The following TMEM167A variants were observed in gnomAD, a reference collection of about 807,000 sequenced individuals.
TMEM167A encodes the protein protein kish-A.
A neutral mutation model predicts 11.6 loss-of-function variants in TMEM167A; 8 were observed. The ratio of observed to expected loss-of-function variants is 0.69; its 90% CI spans 0.40 to 1.24. The LOEUF is 1.24. Ranked by LOEUF, TMEM167A falls within the 50% of genes most tolerant of loss-of-function variation. The pLI, the probability that TMEM167A is intolerant of heterozygous loss-of-function variation, is 0.01. For synonymous variants in TMEM167A, 22 were observed against 28.0 expected (o/e 0.79, Z 0.67); for missense variants, 62 against 87.0 (o/e 0.71, Z 1.14).
intron 1 of TMEM167A, among the ~76,000 whole-genome samples, chr5:83,069,268 C>T (rs914898998): frequency 2.6e-5 from 4 of 152,086 alleles, no homozygotes; most frequent in African/African-American, 7.2e-5. Flanking sequence ...CCCCTTAATG[C>T]TTAGCATCTG....
Position 83,061,854 on chromosome 5 carries a change from G to A in TMEM167A, c.148+23C>T, listed in dbSNP as rs752213662. The A allele has an allele frequency of 2.5e-6, 4 of 1,599,440 alleles. No homozygotes were observed. The Admixed American group carries it at 5.0e-5, about 20-fold the overall frequency. ...GTCAACAATTTACAGCTGAAGAAAT[G>A]GAGGGAGATTATAGACACTTACCAA... On this transcript the variant is annotated intron_variant, in intron 3 of 3. Transcript: ENST00000502346.
chr5:83,064,689 A>C (rs1005331917), intron 2 of TMEM167A, among the ~76,000 whole-genome samples: 3 of 152,128 alleles, frequency 2.0e-5, no homozygotes, highest in Non-Finnish European at 4.4e-5. Context: ...AATGAAGAGA[A>C]GACAGTGTCT....
intron 1 of TMEM167A, among the ~76,000 whole-genome samples, chr5:83,067,896 G>C (rs1015000030): frequency 6.6e-6 from 1 of 152,048 alleles, no homozygotes; most frequent in African/African-American, 2.4e-5. Context: ...AAAATGATTT[G>C]TAATTACCAG....
intron 1 of TMEM167A, among the ~76,000 whole-genome samples, chr5:83,076,843 G>A (rs555108301): frequency 3.9e-5 from 6 of 152,306 alleles, no homozygotes; most frequent in African/African-American, 9.6e-5. Flanking sequence ...AAAGTTAAGA[G>A]AAGAAGGTGG....
intron 2 of TMEM167A, among the ~76,000 whole-genome samples, chr5:83,063,755 G>A (rs780119552): frequency 4.0e-5 from 6 of 151,838 alleles, no homozygotes; most frequent in South Asian, 2.1e-4. Context: ...ATGTAATTAC[G>A]TTGCTTAGTT....
intron 3 of TMEM167A, among the ~76,000 whole-genome samples, chr5:83,060,259 C>A (rs1342890018): frequency 2.6e-5 from 4 of 151,722 alleles, no homozygotes; most frequent in Non-Finnish European, 5.9e-5. Flanking sequence ...AGAATTTAGG[C>A]TGTTGTCAGA....
chr5:83,059,740 C>G (rs1327033769), intron 3 of TMEM167A, among the ~76,000 whole-genome samples: 2 of 151,962 alleles, frequency 1.3e-5, no homozygotes, highest in Admixed American at 1.3e-4. Context: ...CTAGAGCAGC[C>G]CTTCTCACTC....
chr5:83,067,210 G>GA lies in TMEM167A; in HGVS notation c.4-2094dup, dbSNP rs747152460. On this transcript the variant is annotated intron_variant, in intron 1 of 3. Coordinates refer to ENST00000502346, the MANE Select transcript of TMEM167A (RefSeq NM_174909.5). ...GACAACTAATTCTGAAGTTCATATG[G>GA]AAAAAATAAGGCAAGAATAGCCAGG... is the stretch of plus-strand genomic sequence containing the variant. 6.9e-4 allele frequency among the ~76,000 whole-genome samples: 104 copies of GA among 149,872 alleles called. 1 individual carries two copies. The highest frequency in any genetic ancestry group is 2.3e-3 in the East Asian group (12 of 5,150).
chr5:83,064,844 T>C (rs1399789489), intron 2 of TMEM167A, among the ~76,000 whole-genome samples, 164 bp downstream of exon 2: 1 of 152,118 alleles, frequency 6.6e-6, no homozygotes, highest in South Asian at 2.1e-4. Flanking sequence ...TAGTAAGATA[T>C]TGTGAATATA....
At chr5:83,060,293 G>A (rs964950353) in intron 3 of TMEM167A, among the ~76,000 whole-genome samples, 3 of 151,862 alleles carry the variant, frequency 2.0e-5, no homozygotes, top group African/African-American at 4.8e-5. Context: ...AATGTCAAAC[G>A]TAGAAAAAAT....
intron 3 of TMEM167A, among the ~76,000 whole-genome samples, chr5:83,058,957 T>C (rs948148331): frequency 6.6e-6 from 1 of 152,090 alleles, no homozygotes; most frequent in African/African-American, 2.4e-5. Context: ...TAAAATTGTA[T>C]CATTTCTTTG....
At chr5:83,072,677 C>T (rs549626521) in intron 1 of TMEM167A, among the ~76,000 whole-genome samples, 12 of 152,128 alleles carry the variant, frequency 7.9e-5, no homozygotes, top group East Asian at 3.9e-4. Flanking sequence ...TACAGGTGCA[C>T]GCCACCAAGC....
Position 83,064,990 on chromosome 5 carries a change from A to T in TMEM167A, c.113+18T>A, listed in dbSNP as rs1334204675. ...TGTAAGAACTAATTTGGGTGATTAG[A>T]CATCATTAGTAACATACCCAGTTTT... On this transcript the variant is annotated intron_variant, in intron 2 of 3. Coordinates refer to ENST00000502346, the MANE Select transcript of TMEM167A (RefSeq NM_174909.5). The T allele has an allele frequency of 7.0e-7, 1 of 1,430,024 alleles. No homozygotes were observed. 88.6% of individuals were successfully genotyped at this position (1,430,024 alleles called of 1,614,324 possible).
rs1744311263 is a variant in TMEM167A at position 83,055,228 on chromosome 5, G to C, written c.*1856C>G. ...ACTTTCCACCTACCTCCTCTGAGAT[G>C]CCAAATTAAGAAATGTCTTAGAATA... On this transcript the variant is annotated 3_prime_UTR_variant, in exon 4 of 4. Coordinates refer to ENST00000502346, the MANE Select transcript of TMEM167A (RefSeq NM_174909.5). 6.6e-6 allele frequency: 1 copy of C among 151,928 alleles called. No homozygotes were observed. Among genetic ancestry groups the C allele is most frequent in the East Asian group, 1.9e-4 (1 of 5,178 alleles). 9.4% of individuals were successfully genotyped at this position (151,928 alleles called of 1,614,324 possible).
At chr5:83,062,542 T>C (rs1744421135) in intron 2 of TMEM167A, among the ~76,000 whole-genome samples, 1 of 152,036 alleles carries the variant, frequency 6.6e-6, no homozygotes. Flanking sequence ...TGGGAATAAG[T>C]ATTAGAATGG....
intron 2 of TMEM167A, among the ~76,000 whole-genome samples, chr5:83,064,042 A>C (rs1211973436): frequency 6.6e-6 from 1 of 152,136 alleles, no homozygotes; most frequent in Non-Finnish European, 1.5e-5. Context: ...GACTAGGCCT[A>C]TAAAATTTTC....
intron 1 of TMEM167A, among the ~76,000 whole-genome samples, chr5:83,074,952 T>C (rs1031206191): frequency 6.6e-6 from 1 of 152,128 alleles, no homozygotes; most frequent in Non-Finnish European, 1.5e-5. Context: ...TTATTTTTAG[T>C]AGAGATGGGG....
At chr5:83,062,200 G>T (rs1744416919) in intron 2 of TMEM167A, among the ~76,000 whole-genome samples, 1 of 152,066 alleles carries the variant, frequency 6.6e-6, no homozygotes, top group African/African-American at 2.4e-5. Flanking sequence ...TTTGCATAAG[G>T]GCTTACTATT....
rs142385431 is a variant in TMEM167A at position 83,065,224 on chromosome 5, G to A, written c.4-107C>T. On this transcript the variant is annotated intron_variant, in intron 1 of 3. Transcript: ENST00000502346. Reference sequence around the variant, plus strand: ...GTCATGTTTTTATTTCTTCAAGAAGGCAAGCAGAATGACAAGTCTGGCAAC... The same window carrying A: ...GTCATGTTTTTATTTCTTCAAGAAGACAAGCAGAATGACAAGTCTGGCAAC... The A allele has an allele frequency of 5.8e-6, 4 of 692,462 alleles. No homozygotes were observed. The Admixed American group carries it at 8.8e-5, about 15-fold the overall frequency. 42.9% of individuals were successfully genotyped at this position (692,462 alleles called of 1,614,324 possible).
Sources: allele counts gnomAD v4.1 joint callset (sites outside exome capture counted in the v4.1 genomes callset), GRCh38; gene constraint gnomAD v4.1.1; transcripts MANE v1.5; gene names NCBI Gene and HGNC (gene_info 2026-07-23, HGNC 2026-07-21).